Variants in EYS observed in about 807,000 individuals in gnomAD.
EYS encodes protein eyes shut homolog.
EYS carries 250 observed loss-of-function variants against 282.1 expected under a neutral mutation model. That is an observed-to-expected ratio of 0.89 (90% CI 0.80 to 0.98). EYS has a LOEUF of 0.98. Ranked by LOEUF, EYS falls within the 50% of genes least tolerant of loss-of-function variation. EYS has a pLI of 0.00. For missense variants in EYS, 4,016 were observed against 3,709.0 expected (o/e 1.08, Z -2.15); for synonymous variants, 1,355 against 1,282.9 (o/e 1.06, Z -1.20).
chr6:64,805,142 A>G (rs1183158902), intron 22 of EYS, among the ~76,000 whole-genome samples: 1 of 152,072 alleles, frequency 6.6e-6, no homozygotes, highest in African/African-American at 2.4e-5. Flanking sequence ...TGTAAGTATT[A>G]TGTGTAAATC....
intron 42 of EYS, among the ~76,000 whole-genome samples, chr6:63,726,238 T>C (rs545752596): frequency 6.6e-6 from 1 of 152,330 alleles, no homozygotes; most frequent in South Asian, 2.1e-4. Context: ...TTTGACATAG[T>C]ACTATCGTGC....
In EYS at chr6:65,515,167, C is replaced by G. The variant is rs1430287435; in HGVS notation, c.-332-19174G>C. Among the ~76,000 whole-genome samples, 1,004 of 151,998 alleles carry G rather than the reference C, an allele frequency of 6.6e-3. 13 individuals are homozygous for G. Among genetic ancestry groups the G allele is most frequent in the African/African-American group, 0.023 (952 of 41,452 alleles). ...ACACTTCTCAAAAGAAGACATTTAT[C>G]CAGCCAAAAAACACATGAAAAAATG... On this transcript the variant is annotated intron_variant, in intron 2 of 42. Coordinates refer to ENST00000503581, the MANE Select transcript of EYS (RefSeq NM_001142800.2).
At chr6:65,646,966 A>C (rs866027115) in intron 1 of EYS, among the ~76,000 whole-genome samples, 17 of 152,160 alleles carry the variant, frequency 1.1e-4, no homozygotes, top group African/African-American at 4.1e-4. Context: ...AGAAGATGAA[A>C]GACCTCTGCA....
chr6:65,627,934 G>T (rs77477752), intron 2 of EYS, among the ~76,000 whole-genome samples: 90 of 152,350 alleles, frequency 5.9e-4, no homozygotes, highest in African/African-American at 2.0e-3. Flanking sequence ...GCGAGCGCAC[G>T]GCGCAGGACT....
chr6:64,398,079 T>A (rs1773432567), intron 28 of EYS, among the ~76,000 whole-genome samples: 1 of 151,952 alleles, frequency 6.6e-6, no homozygotes, highest in Non-Finnish European at 1.5e-5. Flanking sequence ...AAATATTATC[T>A]TTAAACTTTT....
rs1766393134 is a variant in EYS at position 64,591,119 on chromosome 6, T to G, written c.4748A>C (p.Tyr1583Ser). Residue 1583 changes from tyrosine to serine, a missense_variant, in exon 26 of 43, where the codon TAT becomes TCT. Physicochemically the swap from Tyr to Ser is moderately radical, Grantham distance 144. Transcript: ENST00000503581. ...CGCTGAGTTCATCCAGAATGTCTCA[T>G]AAAAGTGGGACTGTTTGCTATGCAA... ...QVLHSKQSHF[Y>S]ETFWMNSAIL... The G allele has an allele frequency of 6.4e-7, 1 of 1,551,188 alleles. No homozygotes were observed. The highest frequency in any genetic ancestry group is 1.2e-5 in the South Asian group (1 of 84,064).
chr6:65,677,731 G>T (rs950557170), intron 1 of EYS, among the ~76,000 whole-genome samples: 1 of 151,806 alleles, frequency 6.6e-6, no homozygotes. Flanking sequence ...GAACCACAAA[G>T]GACCCCCAAT....
chr6:65,153,350 T>G (rs1764658536), intron 12 of EYS, among the ~76,000 whole-genome samples: 2 of 140,656 alleles, frequency 1.4e-5, no homozygotes, highest in Non-Finnish European at 3.0e-5. Flanking sequence ...CCACAGAAAT[T>G]CAGAGATCAT....
chr6:64,712,276 G>C (rs1266498043), intron 22 of EYS, among the ~76,000 whole-genome samples: 1 of 152,238 alleles, frequency 6.6e-6, no homozygotes, highest in African/African-American at 2.4e-5. Flanking sequence ...TATACGAGCT[G>C]TAGCATATGA....
intron 13 of EYS, among the ~76,000 whole-genome samples, chr6:64,999,592 C>T (rs1434886425): frequency 6.6e-6 from 1 of 152,206 alleles, no homozygotes; most frequent in East Asian, 1.9e-4. Flanking sequence ...CTGTCCCACC[C>T]TGCCCACATC....
chr6:64,305,013 TAAC>T (rs1371352891), intron 30 of EYS, among the ~76,000 whole-genome samples: 1 of 152,202 alleles, frequency 6.6e-6, no homozygotes, highest in African/African-American at 2.4e-5. Context: ...ACATTGATGA[TAAC>T]AAAGTTGGTT....
intron 29 of EYS, among the ~76,000 whole-genome samples, chr6:64,369,846 A>G (rs925682135): frequency 6.6e-6 from 1 of 152,048 alleles, no homozygotes; most frequent in African/African-American, 2.4e-5. Context: ...TTGTTGTTGT[A>G]TAGGACTGCT....
chr6:64,414,574 T>C (rs567904583), intron 28 of EYS, among the ~76,000 whole-genome samples: 6 of 152,072 alleles, frequency 3.9e-5, no homozygotes, highest in African/African-American at 1.4e-4. Flanking sequence ...ATAAAGTAAA[T>C]CTCATGAAGA....
At chr6:64,501,575 G>C (rs1053839930) in intron 26 of EYS, among the ~76,000 whole-genome samples, 8 of 152,024 alleles carry the variant, frequency 5.3e-5, no homozygotes, top group Admixed American at 3.3e-4. Flanking sequence ...ATTAACTGAA[G>C]ATGCCATTTT....
chr6:65,477,454 T>G (rs1765453048), intron 5 of EYS, among the ~76,000 whole-genome samples: 1 of 152,168 alleles, frequency 6.6e-6, no homozygotes, highest in Non-Finnish European at 1.5e-5. Flanking sequence ...CGTCAGTCAT[T>G]TTTCAGGCAG....
intron 35 of EYS, among the ~76,000 whole-genome samples, chr6:63,872,760 G>A (rs569980249): frequency 6.6e-6 from 1 of 151,164 alleles, no homozygotes; most frequent in East Asian, 1.9e-4. Flanking sequence ...TTACAGGCGT[G>A]AGCCACCATG....
intron 40 of EYS, chr6:63,777,723 C>A (rs1562021236): frequency 6.9e-6 from 2 of 288,374 alleles, no homozygotes; most frequent in East Asian, 7.1e-5. Context: ...TCTGTCTACT[C>A]TCTCAATAGT....
Position 64,830,898 on chromosome 6 carries a change from T to C in EYS, c.2993-8076A>G, listed in dbSNP as rs562239580. Among the ~76,000 whole-genome samples the C allele has an allele frequency of 3.3e-5, 5 of 152,060 alleles. No individual in the cohort carries two copies. The South Asian group carries it at 1.0e-3, about 32-fold the overall frequency. On this transcript the variant is annotated intron_variant, in intron 19 of 42. Transcript: ENST00000503581. ...TCTAAGTGCAATTCTTCCCCAGGAA[T>C]TGAATTTTGCTTGGCCAAAGGGGTC... is the stretch of plus-strand genomic sequence containing the variant.
At chr6:64,729,233 C>G (rs1318664127) in intron 22 of EYS, among the ~76,000 whole-genome samples, 1 of 152,162 alleles carries the variant, frequency 6.6e-6, no homozygotes, top group East Asian at 1.9e-4. Flanking sequence ...ATTTCCCTGC[C>G]TCCTATCCTT....
Sources: allele counts gnomAD v4.1 joint callset (sites outside exome capture counted in the v4.1 genomes callset), GRCh38; gene constraint gnomAD v4.1.1; transcripts MANE v1.5; gene names NCBI Gene and HGNC (gene_info 2026-07-23, HGNC 2026-07-21).